OPCML: variants seen among roughly 807,000 people sequenced by gnomAD.
OPCML encodes opioid binding protein/cell adhesion molecule like, also known as opioid-binding protein/cell adhesion molecule.
A neutral mutation model predicts 37.8 loss-of-function variants in OPCML; 13 were observed. The observed-to-expected ratio is 0.34, with a 90% CI of 0.22 to 0.55. The LOEUF is 0.55. Ranked by LOEUF, OPCML falls within the 20% of genes least tolerant of loss-of-function variation. The pLI is 0.91. For synonymous variants in OPCML, 176 were observed against 168.8 expected (o/e 1.04, Z -0.33); for missense variants, 341 against 435.6 (o/e 0.78, Z 1.93).
rs1006046203 is a variant in OPCML, at chr11:133,205,412, C to T, written c.62-262402G>A. Among the ~76,000 whole-genome samples the T allele has an allele frequency of 1.3e-5, 2 of 152,160 alleles. No homozygotes were observed. The highest frequency in any genetic ancestry group is 2.9e-5 in the Non-Finnish European group (2 of 68,040). ...GTGTTTCCCTGAGTTCTGTGATCCA[C>T]TCTAGTAAATGAATTAAACCTGAAG... On this transcript the variant is annotated intron_variant, in intron 1 of 7. Transcript: ENST00000524381. This position sits in a 1 kb window ranked among gnomAD's most constrained non-coding sequence, Gnocchi z 4.8.
intron 4 of OPCML, among the ~76,000 whole-genome samples, chr11:132,469,943 G>C (rs1338133802): frequency 4.6e-5 from 7 of 150,836 alleles, no homozygotes; most frequent in Non-Finnish European, 8.9e-5. Context: ...GAGTGTGTGA[G>C]TGTGTGTGTA....
At chr11:132,615,648 T>C (rs1163455822) in intron 3 of OPCML, among the ~76,000 whole-genome samples, 1 of 152,204 alleles carries the variant, frequency 6.6e-6, no homozygotes, top group Non-Finnish European at 1.5e-5. Context: ...TAAATGCAAG[T>C]GCTATGCCAT....
At chr11:132,443,911 T>C (rs1349045583) in intron 4 of OPCML, among the ~76,000 whole-genome samples, 1 of 152,188 alleles carries the variant, frequency 6.6e-6, no homozygotes, top group Non-Finnish European at 1.5e-5. Flanking sequence ...TATGAGCAGA[T>C]CAAAACATCC....
At chr11:133,286,062 G>C (rs1278257321) in intron 1 of OPCML, among the ~76,000 whole-genome samples, 2 of 152,084 alleles carry the variant, frequency 1.3e-5, no homozygotes, top group African/African-American at 4.8e-5. Context: ...ACAAGTCAGG[G>C]TGTTCAAGGG....
At chr11:132,939,074 G>A (rs1565354490) in intron 2 of OPCML, among the ~76,000 whole-genome samples, 2 of 152,096 alleles carry the variant, frequency 1.3e-5, no homozygotes. Flanking sequence ...CCCAGACTAG[G>A]AGTAAAGTCT....
intron 3 of OPCML, among the ~76,000 whole-genome samples, chr11:132,552,845 C>A (rs1179623838): frequency 6.9e-6 from 1 of 143,958 alleles, no homozygotes; most frequent in East Asian, 2.1e-4. Flanking sequence ...TGGCTCACTG[C>A]AAGCTCCACC....
At chr11:133,294,815 C>CTGT (rs1942583547) in intron 1 of OPCML, among the ~76,000 whole-genome samples, 1 of 56,560 alleles carries the variant, frequency 1.8e-5, no homozygotes, top group Non-Finnish European at 3.2e-5. Flanking sequence ...TTCTTTCTTT[C>CTGT]TTTTTTTTTT....
chr11:133,329,885 A>T (rs1317270169), intron 1 of OPCML, among the ~76,000 whole-genome samples: 3 of 152,224 alleles, frequency 2.0e-5, no homozygotes, highest in Non-Finnish European at 2.9e-5. Flanking sequence ...AGAAACTACC[A>T]TCAGAGTGAA....
chr11:133,291,340 G>A (rs898652913), intron 1 of OPCML, among the ~76,000 whole-genome samples: 23 of 152,172 alleles, frequency 1.5e-4, no homozygotes, highest in African/African-American at 5.1e-4. Context: ...AGGAAGAGCT[G>A]TTGGCATAGG....
chr11:132,511,682 T>A (rs559765619), intron 4 of OPCML, among the ~76,000 whole-genome samples: 1 of 152,230 alleles, frequency 6.6e-6, no homozygotes, highest in African/African-American at 2.4e-5. Flanking sequence ...TGCTTTTGGA[T>A]TAACTGTAGA....
intron 7 of OPCML, among the ~76,000 whole-genome samples, chr11:132,432,028 T>C (rs1178228610): frequency 6.6e-6 from 1 of 152,212 alleles, no homozygotes; most frequent in Non-Finnish European, 1.5e-5. Flanking sequence ...AAAGTCACCA[T>C]GTCCATGATG....
chr11:132,928,577 A>C (rs1565972512), intron 2 of OPCML, among the ~76,000 whole-genome samples: 1 of 152,048 alleles, frequency 6.6e-6, no homozygotes, highest in Non-Finnish European at 1.5e-5. Flanking sequence ...ACATAAGATC[A>C]ATAAGGAAAT....
chr11:132,453,173 G>A (rs1475674170), intron 4 of OPCML, among the ~76,000 whole-genome samples: 1 of 152,156 alleles, frequency 6.6e-6, no homozygotes, highest in Non-Finnish European at 1.5e-5. Flanking sequence ...TGTCATGTTA[G>A]AGCAGTAATT....
intron 2 of OPCML, among the ~76,000 whole-genome samples, chr11:132,837,126 C>A (rs1326252179): frequency 1.3e-5 from 2 of 152,012 alleles, no homozygotes; most frequent in African/African-American, 2.4e-5. Flanking sequence ...ACCAGCCTGA[C>A]CAACATGGAG....
At position 133,203,084 on chromosome 11, in the gene OPCML, G is replaced by T. The variant is rs148432276; in HGVS notation, c.62-260074C>A. On this transcript the variant is annotated intron_variant, in intron 1 of 7. Coordinates refer to ENST00000524381, the MANE Select transcript of OPCML (RefSeq NM_001012393.5). ...CCATCACACAAACACAGAGACTGAG[G>T]TTCAGAGAGATGATAAGTAACTTGC... is the stretch of plus-strand genomic sequence containing the variant. Among the ~76,000 whole-genome samples the T allele has an allele frequency of 3.5e-4, 54 of 152,310 alleles. No individual in the cohort carries two copies. The Middle Eastern group carries it at 0.01, about 29-fold the overall frequency.
chr11:132,777,748 C>T (rs1412167245), intron 2 of OPCML, among the ~76,000 whole-genome samples: 7 of 151,780 alleles, frequency 4.6e-5, no homozygotes, highest in South Asian at 2.1e-4. Context: ...GGAGAGGGAG[C>T]GGGAGAGGTT....
In OPCML at chr11:132,445,882, C is replaced by T. The variant is rs186067489; in HGVS notation, c.506-8523G>A. ...ACAGTGTGCTCAGATCTCCTGTCAA[C>T]TGTCAGCTTCTATGAAAAATATACC... On this transcript the variant is annotated intron_variant, in intron 4 of 7. Transcript: ENST00000524381. Among the ~76,000 whole-genome samples, 190 of 152,302 alleles carry T rather than the reference C, an allele frequency of 1.2e-3. 4 individuals are homozygous for T. Among genetic ancestry groups the T allele is most frequent in the Admixed American group, 4.6e-4 (7 of 15,306 alleles).
In OPCML at chr11:132,437,247, C is replaced by T. The variant is rs758975158; in HGVS notation, c.618G>A (p.Val206=). The T allele has an allele frequency of 6.2e-7, 1 of 1,614,072 alleles. No homozygotes were observed. The highest frequency in any genetic ancestry group is 8.5e-7 in the Non-Finnish European group (1 of 1,179,904). The part of the protein sequence containing the change: ...SALNDVAAPD[V]RKVKITVNYP... ...AGTTTACAGTGATTTTTACTTTCCG[C>T]ACATCGGGCGCAGCGACATCGTTCA... The change falls in exon 5 of 8, where the codon GTG becomes GTA. Residue 206 remains valine, a synonymous_variant. Transcript: ENST00000524381.
In OPCML at chr11:133,002,762, AG is replaced by A. The variant is rs531031499; in HGVS notation, c.62-59753del. The stretch of plus-strand genomic sequence containing the variant: ...AGAAGTAGAAGGAGGAAAGAGAAGA[AG>A]GACAAAGGAAAGAGAGGGGGGGGTG... On this transcript the variant is annotated intron_variant, in intron 1 of 7. Transcript: ENST00000524381. 4.6e-3 allele frequency among the ~76,000 whole-genome samples: 446 copies of A among 96,324 alleles called. 1 individual carries two copies. The highest frequency in any genetic ancestry group is 0.033 in the Middle Eastern group (7 of 214). 63.2% of individuals were successfully genotyped at this position (96,324 alleles called of 152,430 possible).
Sources: allele counts gnomAD v4.1 joint callset (sites outside exome capture counted in the v4.1 genomes callset), GRCh38; gene constraint gnomAD v4.1.1; non-coding constraint Gnocchi (gnomAD v3.1); transcripts MANE v1.5; gene names NCBI Gene and HGNC (gene_info 2026-07-23, HGNC 2026-07-21).